LDHC: variants seen among roughly 807,000 people sequenced by gnomAD.
LDHC encodes L-lactate dehydrogenase C chain.
In LDHC, 20 loss-of-function variants were observed where a neutral mutation model predicts 30.2. That is an observed-to-expected ratio of 0.66 (90% CI 0.47 to 0.96). The LOEUF (loss-of-function observed/expected upper bound fraction) is 0.96, where lower values mean the gene tolerates loss of function less well. Ranked by LOEUF, LDHC falls within the 40% of genes least tolerant of loss-of-function variation. The probability of loss-of-function intolerance (pLI) is 0.00; values close to 1 mark genes in which losing one functional copy is unlikely to be tolerated. For synonymous variants in LDHC, 139 were observed against 132.7 expected (o/e 1.05, Z -0.32); for missense variants, 362 against 394.9 (o/e 0.92, Z 0.71).
intron 1 of LDHC, 126 bp from the exon 2 acceptor site, chr11:18,412,583 C>T (rs927826022): frequency 1.2e-6 from 1 of 857,590 alleles, no homozygotes; most frequent in Admixed American, 2.4e-5. Flanking sequence ...CTCCCCGCAT[C>T]CTTTGACCAG....
At chr11:18,433,992 T>C (rs1051268268) in intron 4 of LDHC, among the ~76,000 whole-genome samples, 18 of 152,310 alleles carry the variant, frequency 1.2e-4, no homozygotes, top group African/African-American at 4.1e-4. Context: ...GGAGGCTTTG[T>C]TCATATCTTC....
At chr11:18,419,187 A>G (rs560465496) in intron 3 of LDHC, among the ~76,000 whole-genome samples, 1 of 152,116 alleles carries the variant, frequency 6.6e-6, no homozygotes, top group Admixed American at 6.6e-5. Flanking sequence ...TATTATACCT[A>G]CTCAACTCTG....
intron 3 of LDHC, among the ~76,000 whole-genome samples, chr11:18,423,581 A>C (rs1291055367): frequency 6.6e-6 from 1 of 152,210 alleles, no homozygotes; most frequent in African/African-American, 2.4e-5. Flanking sequence ...AGGTTGGTTG[A>C]AGACTAAAAT....
At chr11:18,422,550 T>G (rs1418574876) in intron 3 of LDHC, among the ~76,000 whole-genome samples, 77 of 135,350 alleles carry the variant, frequency 5.7e-4, no homozygotes, top group Non-Finnish European at 8.9e-4. Flanking sequence ...CAAGACTCCA[T>G]CTCAAAAAAA....
chr11:18,444,643 T>TATATATAG (rs1280003281), intron 6 of LDHC, among the ~76,000 whole-genome samples: 5 of 111,948 alleles, frequency 4.5e-5, no homozygotes, highest in Non-Finnish European at 7.2e-5. Flanking sequence ...TATATATATA[T>TATATATAG]ATATATGCCT....
At chr11:18,432,951 C>T (rs895426785) in intron 4 of LDHC, among the ~76,000 whole-genome samples, 2 of 152,192 alleles carry the variant, frequency 1.3e-5, no homozygotes, top group Admixed American at 6.5e-5. Flanking sequence ...CATTTACATT[C>T]AGTGTTAGTA....
intron 7 of LDHC, among the ~76,000 whole-genome samples, chr11:18,448,529 C>T (rs1041827791): frequency 6.6e-6 from 1 of 152,100 alleles, no homozygotes; most frequent in Non-Finnish European, 1.5e-5. Context: ...GCGATCCAAC[C>T]ACCTCGGCTT....
In LDHC at chr11:18,434,826, C is replaced by A; in HGVS notation, c.505C>A (p.Arg169Ser). 6.2e-7 allele frequency: 1 copy of A among 1,611,344 alleles called. No homozygotes were observed. Among genetic ancestry groups the A allele is most frequent in the Non-Finnish European group, 8.5e-7 (1 of 1,177,566 alleles). Residue 169 changes from arginine to serine, a missense_variant, in exon 5 of 8, where the codon CGT (arginine) becomes AGT (serine). Transcript: ENST00000541669. ...AAGTGGTTGTAATCTAGACTCTGCC[C>A]GTTTCCGTTACCTAATTGGAGAAAA... Reference protein sequence around the residue: ...IGSGCNLDSARFRYLIGEKLG... With the variant: ...IGSGCNLDSASFRYLIGEKLG...
At chr11:18,426,496 C>T (rs112583743) in intron 3 of LDHC, among the ~76,000 whole-genome samples, 21,990 of 138,140 alleles carry the variant, frequency 0.16, 1,812 homozygotes, top group Middle Eastern at 0.26. Flanking sequence ...CACTCCACTC[C>T]AGCCTGGGCA....
At position 18,421,534 on chromosome 11, in the gene LDHC, G is replaced by A. The variant is rs543036152; in HGVS notation, c.244+6233G>A. ...CTAAAAATACAAAAATTAGTTGGGC[G>A]TGCTGATGCATGCCTATAATCCCAG... On this transcript the variant is annotated intron_variant, in intron 3 of 7. Coordinates refer to ENST00000541669, the MANE Select transcript of LDHC (RefSeq NM_017448.5). 1.6e-3 allele frequency among the ~76,000 whole-genome samples: 249 copies of A among 152,092 alleles called. 1 individual carries two copies. The highest frequency in any genetic ancestry group is 5.7e-3 in the African/African-American group (235 of 41,546).
chr11:18,439,036 A>G (rs1367207921), intron 6 of LDHC, among the ~76,000 whole-genome samples: 1 of 152,202 alleles, frequency 6.6e-6, no homozygotes, highest in Non-Finnish European at 1.5e-5. Flanking sequence ...TAATAGCCTT[A>G]TGGAGAGTAA....
intron 6 of LDHC, among the ~76,000 whole-genome samples, chr11:18,445,739 G>A (rs1848543574): frequency 6.6e-6 from 1 of 152,148 alleles, no homozygotes; most frequent in South Asian, 2.1e-4. Context: ...AGGAAACTGA[G>A]GCGAGCAGAT....
At chr11:18,415,807 C>T (rs1469446707) in intron 3 of LDHC, among the ~76,000 whole-genome samples, 18 of 152,064 alleles carry the variant, frequency 1.2e-4, no homozygotes, top group Admixed American at 1.1e-3. Context: ...ATTTTCTTGC[C>T]TCAGTCTCCT....
chr11:18,442,765 C>T (rs1395455411), intron 6 of LDHC, among the ~76,000 whole-genome samples: 3 of 147,856 alleles, frequency 2.0e-5, no homozygotes, highest in Non-Finnish European at 3.0e-5. Context: ...TGGGTTCAAG[C>T]GATTCTCATG....
At chr11:18,420,092 TAGAAC>T (rs1345238088) in intron 3 of LDHC, among the ~76,000 whole-genome samples, 4 of 148,802 alleles carry the variant, frequency 2.7e-5, no homozygotes, top group Admixed American at 2.0e-4. Context: ...GACTCCGTCT[TAGAAC>T]AACAACAACA....
chr11:18,422,595 C>T (rs1378858057), intron 3 of LDHC, among the ~76,000 whole-genome samples: 4 of 150,946 alleles, frequency 2.6e-5, no homozygotes, highest in African/African-American at 9.8e-5. Context: ...ATGCCAAAAC[C>T]AGGCAAAAGA....
In LDHC at chr11:18,429,786, A is replaced by G; in HGVS notation, c.294A>G (p.Ala98=). The change falls in exon 4 of 8, where the codon GCA becomes GCG. Residue 98 remains alanine (A), a synonymous_variant. Coordinates refer to ENST00000541669, the MANE Select transcript of LDHC (RefSeq NM_017448.5). Reference sequence around the variant, plus strand: ...GAATAGTTATTGTCACAGCAGGTGCAAGGCAGCAGGAGGGAGAAACTCGCC... The same window carrying G: ...GAATAGTTATTGTCACAGCAGGTGCGAGGCAGCAGGAGGGAGAAACTCGCC... ...NSRIVIVTAG[A]RQQEGETRLA... 1 of 1,613,054 alleles carries G rather than the reference A, an allele frequency of 6.2e-7. No individual in the cohort carries two copies. Among genetic ancestry groups the G allele is most frequent in the South Asian group, 1.1e-5 (1 of 90,976 alleles).
chr11:18,440,144 C>CAAAAAA (rs35749455), intron 6 of LDHC, among the ~76,000 whole-genome samples: 2 of 83,060 alleles, frequency 2.4e-5, no homozygotes, highest in African/African-American at 4.1e-5. Context: ...TACTAAAATA[C>CAAAAAA]AAAAAAAAAA....
In LDHC at chr11:18,412,701, C is replaced by T; in HGVS notation, c.-9-8C>T. 1.9e-6 allele frequency: 3 copies of T among 1,611,248 alleles called. No individual in the cohort carries two copies. Among genetic ancestry groups the T allele is most frequent in the South Asian group, 1.1e-5 (1 of 90,732 alleles). On this transcript the variant is annotated splice_polypyrimidine_tract_variant and splice_region_variant and intron_variant, in intron 1 of 7. Transcript: ENST00000541669. ...GTTAATCCAATGAAATTGCATTATC[C>T]CTATCAGGTTCTCCAAATGTCAACT...
Sources: gnomAD v4.1 joint callset for allele counts (sites outside exome capture counted in the v4.1 genomes callset) on GRCh38, gnomAD v4.1.1 for gene constraint, MANE v1.5 for transcripts, NCBI Gene and HGNC (gene_info 2026-07-23, HGNC 2026-07-21) for gene names.